MACROD2: variants seen among roughly 807,000 people sequenced by gnomAD.
MACROD2 encodes mono-ADP ribosylhydrolase 2, also known as ADP-ribose glycohydrolase MACROD2.
A neutral mutation model predicts 70.4 loss-of-function variants in MACROD2; 36 were observed. That is an observed-to-expected ratio of 0.51 (90% CI 0.39 to 0.68). The LOEUF is 0.68. Ranked by LOEUF, MACROD2 falls within the 30% of genes least tolerant of loss-of-function variation. The pLI is 0.00. For missense variants in MACROD2, 496 were observed against 538.4 expected (o/e 0.92, Z 0.78); for synonymous variants, 172 against 178.8 (o/e 0.96, Z 0.30).
rs1433225449 is a variant in MACROD2, at chr20:14,417,439, TACCTG to T, written c.272-76038_272-76034del. Among the ~76,000 whole-genome samples, 7 of 152,308 alleles carry T rather than the reference TACCTG, an allele frequency of 4.6e-5. No homozygotes were observed. In the East Asian group the frequency reaches 1.4e-3, roughly 29 times the overall value. On this transcript the variant is annotated intron_variant, in intron 3 of 17. Transcript: ENST00000684519. The stretch of plus-strand genomic sequence containing the variant: ...AGAAAATGATAGGAAAGTCAATGCT[TACCTG>T]ATCACCTATTTCAATATCTAGAGGG...
At chr20:14,325,864 A>G (rs1269273251) in intron 3 of MACROD2, 11 of 1,613,812 alleles carry the variant, frequency 6.8e-6, no homozygotes, top group African/African-American at 1.3e-5. Context: ...ATACCAACAC[A>G]CTAAAGCAAG....
chr20:14,869,891 G>A (rs2073468599), intron 5 of MACROD2, among the ~76,000 whole-genome samples: 1 of 152,144 alleles, frequency 6.6e-6, no homozygotes, highest in African/African-American at 2.4e-5. Flanking sequence ...CAGCTGGGAA[G>A]ACGGCAGTAA....
intron 3 of MACROD2, among the ~76,000 whole-genome samples, chr20:14,226,741 C>T (rs1453315320): frequency 6.6e-6 from 1 of 152,230 alleles, no homozygotes; most frequent in Non-Finnish European, 1.5e-5. Flanking sequence ...AGCTGCCTTC[C>T]CGCGGGGCAG....
intron 7 of MACROD2, among the ~76,000 whole-genome samples, chr20:15,488,509 T>C (rs2047188864): frequency 6.6e-6 from 1 of 152,134 alleles, no homozygotes; most frequent in African/African-American, 2.4e-5. Context: ...TTTCAGGTAG[T>C]GATAAGAGCA....
rs373797497 is a variant in MACROD2, at chr20:15,456,329, C to T, written c.571+24894C>T. Among the ~76,000 whole-genome samples, 21 of 152,158 alleles carry T rather than the reference C, an allele frequency of 1.4e-4. No individual in the cohort carries two copies. In the South Asian group the frequency reaches 1.9e-3, roughly 14 times the overall value. On this transcript the variant is annotated intron_variant, in intron 7 of 17. Transcript: ENST00000684519. Reference sequence around the variant, plus strand: ...CCCTGGGAGAATCTTTCTGCAGATGCTATCTCTTCCACGCAAGCAGTTTGG... The same window carrying T: ...CCCTGGGAGAATCTTTCTGCAGATGTTATCTCTTCCACGCAAGCAGTTTGG...
At chr20:15,621,186 C>T (rs2049119945) in intron 8 of MACROD2, among the ~76,000 whole-genome samples, 1 of 152,200 alleles carries the variant, frequency 6.6e-6, no homozygotes, top group Non-Finnish European at 1.5e-5. Context: ...AACATTTTAA[C>T]ACATTGCCGT....
intron 8 of MACROD2, among the ~76,000 whole-genome samples, chr20:15,603,590 G>A (rs947075984): frequency 6.6e-6 from 1 of 151,266 alleles, no homozygotes; most frequent in South Asian, 2.1e-4. Flanking sequence ...AAAGAGGAGG[G>A]AATGAAACTT....
chr20:15,402,872 T>G (rs2045949122), intron 6 of MACROD2, among the ~76,000 whole-genome samples: 1 of 152,196 alleles, frequency 6.6e-6, no homozygotes, highest in African/African-American at 2.4e-5. Context: ...GCAGGAGATA[T>G]TTAAATATGT....
intron 8 of MACROD2, among the ~76,000 whole-genome samples, chr20:15,778,107 C>T (rs947499230): frequency 5.9e-5 from 9 of 152,074 alleles, no homozygotes; most frequent in African/African-American, 2.2e-4. Flanking sequence ...GTCAATCTTA[C>T]GTATGTTAGA....
intron 10 of MACROD2, among the ~76,000 whole-genome samples, chr20:15,897,119 CT>C (rs1302001209): frequency 1.3e-5 from 2 of 152,068 alleles, no homozygotes; most frequent in African/African-American, 4.8e-5. Flanking sequence ...CTACAGGTTC[CT>C]TTAGTGAAAG....
intron 4 of MACROD2, among the ~76,000 whole-genome samples, chr20:14,514,032 A>G (rs549262017): frequency 5.3e-5 from 8 of 152,212 alleles, no homozygotes; most frequent in Non-Finnish European, 8.8e-5. Context: ...TACTTTTTCT[A>G]AATGATTTAA....
intron 5 of MACROD2, among the ~76,000 whole-genome samples, chr20:15,092,419 A>G (rs2075799366): frequency 6.7e-6 from 1 of 148,470 alleles, no homozygotes; most frequent in Non-Finnish European, 1.5e-5. Context: ...AAATATTTTC[A>G]TTATAATTAA....
chr20:15,631,818 T>C (rs1799924261), intron 8 of MACROD2, among the ~76,000 whole-genome samples: 1 of 152,168 alleles, frequency 6.6e-6, no homozygotes, highest in South Asian at 2.1e-4. Context: ...TTCACTGGTC[T>C]AGAGGGTGAT....
chr20:15,832,144 A>C (rs2064063224), intron 8 of MACROD2, among the ~76,000 whole-genome samples: 1 of 152,242 alleles, frequency 6.6e-6, no homozygotes, highest in Non-Finnish European at 1.5e-5. Context: ...TATGGATGTC[A>C]GTGGCCAAAT....
At chr20:15,599,564 T>C (rs2048791227) in intron 8 of MACROD2, among the ~76,000 whole-genome samples, 1 of 152,146 alleles carries the variant, frequency 6.6e-6, no homozygotes, top group South Asian at 2.1e-4. Flanking sequence ...TTCACCTCCC[T>C]GAGTTCTCAT....
Position 15,000,609 on chromosome 20 carries a change from G to A in MACROD2, c.419-229331G>A, listed in dbSNP as rs1381566710. Among the ~76,000 whole-genome samples, 3 of 93,692 alleles carry A rather than the reference G, an allele frequency of 3.2e-5. 1 individual carries two copies. Among genetic ancestry groups the A allele is most frequent in the South Asian group, 7.1e-4 (2 of 2,810 alleles). The allele number at this position is 93,692 out of a possible 152,430, so 61.5% of individuals were successfully genotyped here. A position where few individuals can be genotyped will look rare whatever the true frequency, so the allele number is the denominator to read the frequency against. On this transcript the variant is annotated intron_variant, in intron 5 of 17. Coordinates refer to ENST00000684519, the MANE Select transcript of MACROD2 (RefSeq NM_001351661.2). ...CTGCAGTCCGCAGTCCGGCCTGGGC[G>A]ACAGAGCGAGACTCCGTCTCAAAAA...
At chr20:14,641,236 A>G (rs1985074708) in intron 4 of MACROD2, among the ~76,000 whole-genome samples, 2 of 152,294 alleles carry the variant, frequency 1.3e-5, no homozygotes, top group African/African-American at 4.8e-5. Flanking sequence ...TTTTATCACA[A>G]GATTGCAGTG....
chr20:15,726,156 C>T (rs1340920908), intron 8 of MACROD2, among the ~76,000 whole-genome samples: 3 of 152,050 alleles, frequency 2.0e-5, no homozygotes, highest in Admixed American at 2.0e-4. Context: ...TGTTTAGTTT[C>T]CACTTATAAA....
At position 15,712,778 on chromosome 20, in the gene MACROD2, TTTGACAATG is replaced by T. The variant is rs546988643; in HGVS notation, c.646-149966_646-149958del. Among the ~76,000 whole-genome samples the T allele has an allele frequency of 1.2e-4, 18 of 152,326 alleles. 1 individual carries two copies. In the East Asian group the frequency reaches 3.5e-3, roughly 29 times the overall value. ...AAGAACACCATCCATATACTAGCCC[TTTGACAATG>T]AAGAAAGCTGTCCACATGTCTTACC... On this transcript the variant is annotated intron_variant, in intron 8 of 17. Coordinates refer to ENST00000684519, the MANE Select transcript of MACROD2 (RefSeq NM_001351661.2).
Sources: allele counts gnomAD v4.1 joint callset (sites outside exome capture counted in the v4.1 genomes callset), GRCh38; gene constraint gnomAD v4.1.1; transcripts MANE v1.5; gene names NCBI Gene and HGNC (gene_info 2026-07-23, HGNC 2026-07-21).